ZP4: variants seen among roughly 807,000 people sequenced by gnomAD.
ZP4 encodes the protein zona pellucida glycoprotein 4.
ZP4 carries 62 observed loss-of-function variants against 62.3 expected under a neutral mutation model. The observed-to-expected ratio is 0.99, with a 90% confidence interval of 0.81 to 1.23. The LOEUF (loss-of-function observed/expected upper bound fraction) is 1.23. ZP4 is among the 50% of genes most tolerant of loss of function. The probability of loss-of-function intolerance (pLI) is 0.00; values close to 1 mark genes in which losing one functional copy is unlikely to be tolerated. For missense variants in ZP4, 774 were observed against 656.0 expected (o/e 1.18, Z -1.97); for synonymous variants, 289 against 247.3 (o/e 1.17, Z -1.58).
chr1:237,886,844 C>T lies in ZP4; in HGVS notation c.766G>A (p.Glu256Lys). 4 of 1,614,070 alleles carry T rather than the reference C, an allele frequency of 2.5e-6. No homozygotes were observed. The highest frequency in any genetic ancestry group is 3.4e-6 in the Non-Finnish European group (4 of 1,179,990). The change falls in exon 6 of 12, where the codon GAA becomes AAA. Residue 256 changes from glutamate to lysine, a missense_variant. By Grantham distance (56) the Glu-to-Lys change is moderately conservative. Coordinates refer to ENST00000366570, the MANE Select transcript of ZP4 (RefSeq NM_021186.5). ...TCCCTAGTTGCCACCAGTTCATTTT[C>T]ATATACTGCTCGGTCTCCAGTGATC... ...RQITGDRAVY[E>K]NELVATRDVK...
Position 237,883,998 on chromosome 1 carries a change from AC to A in ZP4, c.1390+770del, listed in dbSNP as rs1665019357. The stretch of plus-strand genomic sequence containing the variant: ...CACACACACAAACACACACACACAC[AC>A]ACACACACACACACACAAACACACA... On this transcript the variant is annotated intron_variant, in intron 10 of 11. Transcript: ENST00000366570. 5.6e-3 allele frequency among the ~76,000 whole-genome samples: 455 copies of A among 81,816 alleles called. 6 individuals carry two copies. Among genetic ancestry groups the A allele is most frequent in the African/African-American group, 0.021 (396 of 18,834 alleles). 53.7% of individuals were successfully genotyped at this position (81,816 alleles called of 152,430 possible).
Position 237,886,817 on chromosome 1 carries a change from C to T in ZP4, c.793G>A (p.Val265Met), listed in dbSNP as rs1665114422. The T allele has an allele frequency of 6.2e-7, 1 of 1,614,124 alleles. No homozygotes were observed. The highest frequency in any genetic ancestry group is 2.2e-5 in the East Asian group (1 of 44,868). The change falls in exon 6 of 12, where the codon GTG (valine) becomes ATG (methionine). Residue 265 changes from valine to methionine, a missense_variant. By Grantham distance (21) the Val-to-Met change is conservative. Coordinates refer to ENST00000366570, the MANE Select transcript of ZP4 (RefSeq NM_021186.5). ...ACAGAGCCACGGCTCCCATTTTTCA[C>T]ATCCCTAGTTGCCACCAGTTCATTT... is the stretch of plus-strand genomic sequence containing the variant. ...YENELVATRD[V>M]KNGSRGSVTR...
rs540572909 is a variant in ZP4, at chr1:237,885,523, C to T, written c.1028G>A (p.Arg343Gln). The T allele has an allele frequency of 2.8e-5, 46 of 1,614,074 alleles. No individual in the cohort carries two copies. In the East Asian group the frequency reaches 4.7e-4, roughly 16 times the overall value. Residue 343 changes from arginine (R) to glutamine (Q), a missense_variant, in exon 8 of 12, where the codon CGG becomes CAG. Coordinates refer to ENST00000366570, the MANE Select transcript of ZP4 (RefSeq NM_021186.5). Reference sequence around the variant, plus strand: ...GGAGACCTCCACGTAAATGGGATCCCGAAGCAACTTCACCACTGGGTAGTC... The same window carrying T: ...GGAGACCTCCACGTAAATGGGATCCTGAAGCAACTTCACCACTGGGTAGTC... ...VGDYPVVKLL[R>Q]DPIYVEVSIL...
At chr1:237,883,302 CA>C (rs1176154502) in intron 10 of ZP4, among the ~76,000 whole-genome samples, 1 of 151,662 alleles carries the variant, frequency 6.6e-6, no homozygotes, top group Non-Finnish European at 1.5e-5. Context: ...AGAAAGATGG[CA>C]AGATGGCAAA....
At chr1:237,888,764 A>T (rs1219960590) in intron 3 of ZP4, among the ~76,000 whole-genome samples, 5 of 152,214 alleles carry the variant, frequency 3.3e-5, no homozygotes, top group Admixed American at 3.3e-4. Context: ...CAAAATTGGT[A>T]GAAGCAGTTG....
intron 3 of ZP4, 124 bp from the exon 4 acceptor site, chr1:237,888,634 T>C (rs1364950425): frequency 1.2e-6 from 1 of 841,948 alleles, no homozygotes; most frequent in Admixed American, 3.0e-5. Flanking sequence ...AGGTGTCTAC[T>C]CCATATTGTA....
At position 237,888,519 on chromosome 1, in the gene ZP4, T is replaced by C; in HGVS notation, c.401-9A>G. The C allele has an allele frequency of 6.3e-7, 1 of 1,583,078 alleles. No individual in the cohort carries two copies. On this transcript the variant is annotated splice_polypyrimidine_tract_variant and intron_variant, in intron 3 of 11. Transcript: ENST00000366570. ...ATCTGGAGCATCTCGGGCTAGGTTT[T>C]GAAAAAGAGTAAGTCAGGTTAGATA...
chr1:237,882,931 G>T, intron 10 of ZP4, 85 bp from the exon 11 acceptor site: 1 of 1,154,926 alleles, frequency 8.7e-7, no homozygotes, highest in Admixed American at 2.1e-5. Context: ...AAGGCCAAGT[G>T]TCTCTATAAA....
Position 237,890,123 on chromosome 1 carries a change from T to C in ZP4, c.229A>G (p.Ile77Val). 6 of 1,614,068 alleles carry C rather than the reference T, an allele frequency of 3.7e-6. No individual in the cohort carries two copies. The highest frequency in any genetic ancestry group is 5.1e-6 in the Non-Finnish European group (6 of 1,180,010). ...ACGGAGCTGCCTGGACCTTTTCTTA[T>C]CCAGGTGCCACAGTCGGAGTCATTC... Reference protein sequence around the residue: ...LQNDSDCGTWIRKGPGSSVVL... With the variant: ...LQNDSDCGTWVRKGPGSSVVL... Residue 77 changes from isoleucine to valine, a missense_variant, in exon 2 of 12, where the codon ATA becomes GTA. Physicochemically the swap from Ile to Val is conservative, Grantham distance 29. Transcript: ENST00000366570.
chr1:237,888,802 ATCCT>A (rs1415729448), intron 3 of ZP4, among the ~76,000 whole-genome samples: 1 of 152,158 alleles, frequency 6.6e-6, no homozygotes, highest in African/African-American at 2.4e-5. Context: ...TCCAGTAACA[ATCCT>A]TCCTTCTGTT....
At chr1:237,883,065 C>T (rs1349654633) in intron 10 of ZP4, among the ~76,000 whole-genome samples, 1 of 152,206 alleles carries the variant, frequency 6.6e-6, no homozygotes, top group Admixed American at 6.5e-5. Context: ...ATGTTAGAAA[C>T]TATCCCTGAA....
Position 237,890,635 on chromosome 1 carries a change from T to TA in ZP4, c.-1dup. On this transcript the variant is annotated 5_prime_UTR_variant, in exon 1 of 12. Coordinates refer to ENST00000366570, the MANE Select transcript of ZP4 (RefSeq NM_021186.5). ...AGCAAAACGCACCGCAGCAGCCACA[T>TA]AATGCTACCAGGAGTTCCTGCCGGC... 3 of 1,612,086 alleles carry TA rather than the reference T, an allele frequency of 1.9e-6. No individual in the cohort carries two copies. The highest frequency in any genetic ancestry group is 2.5e-6 in the Non-Finnish European group (3 of 1,179,204).
At chr1:237,883,836 C>A (rs974607248) in intron 10 of ZP4, among the ~76,000 whole-genome samples, 1 of 131,596 alleles carries the variant, frequency 7.6e-6, no homozygotes, top group Non-Finnish European at 1.6e-5. Context: ...TAGTAGAATA[C>A]GCCTGTAGTT....
At position 237,885,029 on chromosome 1, in the gene ZP4, A is replaced by T. The variant is rs994991635; in HGVS notation, c.1311+136T>A. 4.6e-6 allele frequency: 6 copies of T among 1,312,196 alleles called. 1 individual carries two copies. Among genetic ancestry groups the T allele is most frequent in the Non-Finnish European group, 6.3e-6 (6 of 946,170 alleles). 81.3% of individuals were successfully genotyped at this position (1,312,196 alleles called of 1,614,324 possible). A position where few individuals can be genotyped will look rare whatever the true frequency, so the allele number is the denominator to read the frequency against. On this transcript the variant is annotated intron_variant, in intron 9 of 11. Transcript: ENST00000366570. ...ACAGATGTCACTCATGTAATTAGTAACAAGGGTTGCTCTGAGTCAGTACCA... is the reference window on the plus strand; with the variant it reads ...ACAGATGTCACTCATGTAATTAGTATCAAGGGTTGCTCTGAGTCAGTACCA...
At chr1:237,883,973 C>CACAA (rs1665011619) in intron 10 of ZP4, among the ~76,000 whole-genome samples, 1 of 61,098 alleles carries the variant, frequency 1.6e-5, no homozygotes, top group African/African-American at 8.5e-5. Context: ...CACAAACACA[C>CACAA]ACACACACAA....
chr1:237,882,634 T>A (rs529168464), intron 11 of ZP4, 85 bp from the exon 12 acceptor site: 79 of 1,571,920 alleles, frequency 5.0e-5, no homozygotes, highest in Non-Finnish European at 6.2e-5. Context: ...TCTTCTGCTA[T>A]AGGAAGGTCA....
chr1:237,886,315 T>A (rs1211828918), intron 6 of ZP4, among the ~76,000 whole-genome samples: 4 of 152,068 alleles, frequency 2.6e-5, no homozygotes, highest in Non-Finnish European at 4.4e-5. Context: ...GGACTGAGAA[T>A]GTTAGAAGTG....
At chr1:237,884,021 CACACACACACAAACACACACAA>C (rs1558531105) in intron 10 of ZP4, among the ~76,000 whole-genome samples, 23 of 58,936 alleles carry the variant, frequency 3.9e-4, no homozygotes, top group Middle Eastern at 7.0e-3. Flanking sequence ...CACACAAACA[CACACACACACAAACACACACAA>C]ACACACACAA....
rs1370121180 is a variant in ZP4 at position 237,886,833 on chromosome 1, C to A, written c.777G>T (p.Leu259=). 1 of 1,614,062 alleles carries A rather than the reference C, an allele frequency of 6.2e-7. No homozygotes were observed. The change falls in exon 6 of 12, where the codon CTG becomes CTT. Residue 259 remains leucine, a synonymous_variant. Transcript: ENST00000366570. ...CATTTTTCACATCCCTAGTTGCCAC[C>A]AGTTCATTTTCATATACTGCTCGGT... ...TGDRAVYENE[L]VATRDVKNGS...
Sources: allele counts gnomAD v4.1 joint callset (sites outside exome capture counted in the v4.1 genomes callset), GRCh38; gene constraint gnomAD v4.1.1; transcripts MANE v1.5; gene names NCBI Gene and HGNC (gene_info 2026-07-23, HGNC 2026-07-21).